KHDRBS2: variants seen among roughly 807,000 people sequenced by gnomAD.
KHDRBS2 encodes KH domain-containing, RNA-binding, signal transduction-associated protein 2.
In KHDRBS2, 26 loss-of-function variants were observed where a neutral mutation model predicts 44.3. That is an observed-to-expected ratio of 0.59 (90% CI 0.43 to 0.81). The LOEUF (loss-of-function observed/expected upper bound fraction) is 0.81. KHDRBS2 is among the 40% of genes least tolerant of loss of function. The pLI is 0.00. For missense variants in KHDRBS2, 476 were observed against 433.1 expected, an observed-to-expected ratio of 1.10 and a Z score of -0.88; for synonymous variants, 194 against 151.1, an observed-to-expected ratio of 1.28 and a Z score of -2.08.
intron 4 of KHDRBS2, among the ~76,000 whole-genome samples, chr6:61,972,045 T>G (rs527501682): frequency 6.6e-6 from 1 of 152,276 alleles, no homozygotes; most frequent in Admixed American, 6.6e-5. Context: ...AGATAAAAAT[T>G]ATAAACCTTA....
At chr6:62,236,416 G>T (rs1833715058) in intron 1 of KHDRBS2, among the ~76,000 whole-genome samples, 1 of 151,856 alleles carries the variant, frequency 6.6e-6, no homozygotes, top group Non-Finnish European at 1.5e-5. Flanking sequence ...TTCTACCAGA[G>T]AATTAGAGGG....
At chr6:61,616,305 T>G in the KHDRBS2 span, among the ~76,000 whole-genome samples, 1 of 152,124 alleles carries the variant, frequency 6.6e-6, no homozygotes, top group East Asian at 1.9e-4. Context: ...ATAATTACAC[T>G]GTAATGTTAG....
chr6:61,884,922 G>T (rs775885550), intron 6 of KHDRBS2, among the ~76,000 whole-genome samples: 3 of 151,958 alleles, frequency 2.0e-5, no homozygotes, highest in Non-Finnish European at 4.4e-5. Flanking sequence ...CAAAGTTTGT[G>T]GGGCCTCAAA....
chr6:62,088,241 T>G (rs1381951088), intron 2 of KHDRBS2, among the ~76,000 whole-genome samples: 1 of 152,192 alleles, frequency 6.6e-6, no homozygotes, highest in East Asian at 1.9e-4. Flanking sequence ...GTTCCCTTGC[T>G]GGTGAGGAGT....
intron 6 of KHDRBS2, among the ~76,000 whole-genome samples, chr6:61,816,085 T>C (rs777718126): frequency 2.0e-5 from 3 of 152,128 alleles, no homozygotes; most frequent in Non-Finnish European, 4.4e-5. Context: ...CTTAGACTTC[T>C]ATTTGTTAAA....
At chr6:62,020,714 T>C in intron 3 of KHDRBS2, among the ~76,000 whole-genome samples, 1 of 152,060 alleles carries the variant, frequency 6.6e-6, no homozygotes, top group East Asian at 1.9e-4. Flanking sequence ...TACTATTCTT[T>C]TATCTGAAAT....
chr6:61,952,909 C>A (rs1765073639), intron 4 of KHDRBS2, among the ~76,000 whole-genome samples: 1 of 152,022 alleles, frequency 6.6e-6, no homozygotes, highest in Non-Finnish European at 1.5e-5. Context: ...CTTCTCCATT[C>A]ACATTCTGTC....
At chr6:61,648,204 T>A in the KHDRBS2 span, among the ~76,000 whole-genome samples, 3 of 152,024 alleles carry the variant, frequency 2.0e-5, no homozygotes, top group East Asian at 5.8e-4. Context: ...CCATCTTGAG[T>A]TTTTATGGAA....
chr6:61,749,009 C>CTTTTTTTTTTT (rs34423906), intron 6 of KHDRBS2, among the ~76,000 whole-genome samples: 61 of 97,196 alleles, frequency 6.3e-4, no homozygotes, highest in Non-Finnish European at 7.6e-4. Flanking sequence ...TTCTTTCTTT[C>CTTTTTTTTTTT]TTTTTTTTTT....
At position 62,108,263 on chromosome 6, in the gene KHDRBS2, C is replaced by A. The variant is rs529150939; in HGVS notation, c.220-60269G>T. Among the ~76,000 whole-genome samples, 6 of 152,236 alleles carry A rather than the reference C, an allele frequency of 3.9e-5. No homozygotes were observed. In the East Asian group the frequency reaches 1.2e-3, roughly 29 times the overall value. On this transcript the variant is annotated intron_variant, in intron 2 of 8. Coordinates refer to ENST00000281156, the MANE Select transcript of KHDRBS2 (RefSeq NM_152688.4). ...AAATTTAGAAGAAAAAAACAAAGAA[C>A]CCCATCAAAAAGTGGGCGAAGGACA...
chr6:62,125,797 C>A (rs770040594), intron 2 of KHDRBS2, among the ~76,000 whole-genome samples: 1 of 152,132 alleles, frequency 6.6e-6, no homozygotes, highest in African/African-American at 2.4e-5. Flanking sequence ...GAATTCTTCA[C>A]CCGCTGACTA....
At chr6:61,920,455 T>C (rs1188773597) in intron 4 of KHDRBS2, among the ~76,000 whole-genome samples, 1 of 151,954 alleles carries the variant, frequency 6.6e-6, no homozygotes, top group Non-Finnish European at 1.5e-5. Context: ...TACTCTCCTA[T>C]ACCACCTATT....
At chr6:61,942,381 T>C (rs1028320192) in intron 4 of KHDRBS2, among the ~76,000 whole-genome samples, 1 of 151,236 alleles carries the variant, frequency 6.6e-6, no homozygotes, top group Non-Finnish European at 1.5e-5. Flanking sequence ...AAAAGATAAA[T>C]ATCATAAAAA....
rs192655948 is a variant in KHDRBS2 at position 61,714,864 on chromosome 6, G to A, written c.894-17611C>T. On this transcript the variant is annotated intron_variant, in intron 7 of 8. Coordinates refer to ENST00000281156, the MANE Select transcript of KHDRBS2 (RefSeq NM_152688.4). ...AATAATATGTACCCATGGATGTAGA[G>A]TGTGGAATGGCAGACAATGGAGACT... is the stretch of plus-strand genomic sequence containing the variant. Among the ~76,000 whole-genome samples the A allele has an allele frequency of 5.3e-5, 8 of 151,940 alleles. No individual in the cohort carries two copies. The East Asian group carries it at 1.4e-3, about 26-fold the overall frequency.
chr6:61,549,838 T>C, the KHDRBS2 span, among the ~76,000 whole-genome samples: 2 of 152,186 alleles, frequency 1.3e-5, no homozygotes, highest in Non-Finnish European at 2.9e-5. Context: ...AATGAACTTT[T>C]TGTATTGTTA....
rs531263007 is a variant in KHDRBS2, at chr6:62,247,286, T to C, written c.91+38572A>G. On this transcript the variant is annotated intron_variant, in intron 1 of 8. Transcript: ENST00000281156. ...CATTAAAAGTAAATAACATGAGATATAGTGTAAGCATATATTCTTTTTGGT... is the reference window on the plus strand; with the variant it reads ...CATTAAAAGTAAATAACATGAGATACAGTGTAAGCATATATTCTTTTTGGT... 3.3e-5 allele frequency among the ~76,000 whole-genome samples: 5 copies of C among 152,050 alleles called. No individual in the cohort carries two copies. The South Asian group carries it at 8.3e-4, about 25-fold the overall frequency.
chr6:61,662,860 G>A, the KHDRBS2 span, among the ~76,000 whole-genome samples: 1 of 151,890 alleles, frequency 6.6e-6, no homozygotes, highest in East Asian at 2.0e-4. Flanking sequence ...CAGGGATCTA[G>A]AACTAGAAAT....
At chr6:62,103,065 A>G (rs1446236157) in intron 2 of KHDRBS2, among the ~76,000 whole-genome samples, 2 of 151,994 alleles carry the variant, frequency 1.3e-5, no homozygotes, top group Non-Finnish European at 2.9e-5. Flanking sequence ...ATGCATGCTG[A>G]TTGGTCCATG....
chr6:61,966,402 C>T (rs1769948278), intron 4 of KHDRBS2, among the ~76,000 whole-genome samples: 1 of 151,998 alleles, frequency 6.6e-6, no homozygotes. Context: ...TTCTCCCATA[C>T]TATGACTGTG....
Sources: gnomAD v4.1 joint callset for allele counts (sites outside exome capture counted in the v4.1 genomes callset) on GRCh38, gnomAD v4.1.1 for gene constraint, MANE v1.5 for transcripts, NCBI Gene and HGNC (gene_info 2026-07-23, HGNC 2026-07-21) for gene names.